Variants in RTKN2 observed in about 807,000 individuals in gnomAD.
RTKN2 encodes the protein rhotekin-2.
Under a neutral mutation model 71.5 loss-of-function variants are expected in RTKN2, and 69 were observed. The observed-to-expected ratio is 0.96, with a 90% CI of 0.79 to 1.18. The LOEUF (loss-of-function observed/expected upper bound fraction) is 1.18, where lower values mean the gene tolerates loss of function less well. Ranked by LOEUF, RTKN2 falls within the 50% of genes most tolerant of loss-of-function variation. RTKN2 has a pLI of 0.00. For missense variants in RTKN2, 724 were observed against 719.7 expected (o/e 1.01, Z -0.07); for synonymous variants, 236 against 236.5 (o/e 1.00, Z 0.02).
In RTKN2 at chr10:62,187,944, G is replaced by T. The variant is rs556110088; in HGVS notation, c.862-3557C>A. Among the ~76,000 whole-genome samples the T allele has an allele frequency of 2.0e-5, 3 of 152,220 alleles. No homozygotes were observed. The South Asian group carries it at 6.2e-4, about 32-fold the overall frequency. ...AGCAAACTTTAGACTGACATTCAAG[G>T]CCATCCATGATCTGACCACATCTGC... On this transcript the variant is annotated intron_variant, in intron 8 of 8. Coordinates refer to the RTKN2 transcript ENST00000315289.
intron 1 of RTKN2, among the ~76,000 whole-genome samples, chr10:62,266,526 G>A (rs1269144012): frequency 7.5e-6 from 1 of 132,500 alleles, no homozygotes; most frequent in African/African-American, 2.8e-5. Context: ...TGTTAACAGC[G>A]GCCATTCTGG....
At chr10:62,265,118 G>A (rs187855040) in intron 1 of RTKN2, among the ~76,000 whole-genome samples, 6 of 152,040 alleles carry the variant, frequency 3.9e-5, no homozygotes, top group Admixed American at 2.0e-4. Flanking sequence ...AAAAATGTAC[G>A]TGTAAAAAGT....
intron 10 of RTKN2, among the ~76,000 whole-genome samples, chr10:62,200,678 ATTAT>A (rs1372155810): frequency 6.6e-6 from 1 of 152,078 alleles, no homozygotes; most frequent in African/African-American, 2.4e-5. Context: ...AGAAATAAAA[ATTAT>A]TTATTTAACA....
chr10:62,248,953 C>T (rs978632824), intron 2 of RTKN2, among the ~76,000 whole-genome samples: 1 of 152,054 alleles, frequency 6.6e-6, no homozygotes, highest in Non-Finnish European at 1.5e-5. Context: ...AATCCTTTAC[C>T]TCTGATACAA....
rs1012966042 is a variant in RTKN2, at chr10:62,187,095, C to T, written c.862-2708G>A. On this transcript the variant is annotated intron_variant, in intron 8 of 8. Transcript: ENST00000315289. ...GTGGAATTATTATCTCCAAATTATT[C>T]CAAAGTTTTACTAAACTTAATTTCT... Among the ~76,000 whole-genome samples, 6 of 152,202 alleles carry T rather than the reference C, an allele frequency of 3.9e-5. No homozygotes were observed. The East Asian group carries it at 1.2e-3, about 29-fold the overall frequency.
chr10:62,198,660 C>G (rs1266196930), intron 11 of RTKN2, among the ~76,000 whole-genome samples: 5 of 151,854 alleles, frequency 3.3e-5, no homozygotes, highest in Non-Finnish European at 7.4e-5. Context: ...ACACATAATA[C>G]ATAGTATATA....
chr10:62,212,344 G>A (rs1250764614), intron 9 of RTKN2, among the ~76,000 whole-genome samples: 4 of 151,424 alleles, frequency 2.6e-5, no homozygotes, highest in Admixed American at 2.6e-4. Flanking sequence ...AATCCAGCCT[G>A]GGCAACAGAG....
At chr10:62,202,243 C>T (rs1841459428) in intron 10 of RTKN2, among the ~76,000 whole-genome samples, 1 of 152,106 alleles carries the variant, frequency 6.6e-6, no homozygotes, top group African/African-American at 2.4e-5. Context: ...GCTATTCTTC[C>T]CTGGGCTAAA....
At chr10:62,186,628 C>T (rs1045228923) in intron 8 of RTKN2, among the ~76,000 whole-genome samples, 6 of 152,192 alleles carry the variant, frequency 3.9e-5, no homozygotes, top group African/African-American at 9.7e-5. Context: ...AGTAGTTCCA[C>T]TTGGCTCTGT....
intron 3 of RTKN2, among the ~76,000 whole-genome samples, chr10:62,243,446 C>T (rs936531714): frequency 6.6e-6 from 1 of 152,100 alleles, no homozygotes; most frequent in African/African-American, 2.4e-5. Flanking sequence ...TTATTCACAG[C>T]TGTTCTTGCT....
intron 9 of RTKN2, among the ~76,000 whole-genome samples, chr10:62,212,121 T>C (rs1474933533): frequency 6.6e-6 from 1 of 150,704 alleles, no homozygotes; most frequent in African/African-American, 2.4e-5. Context: ...AAAATATATA[T>C]ATATGGGGTA....
chr10:62,187,716 A>T (rs1315047116), intron 8 of RTKN2, among the ~76,000 whole-genome samples: 1 of 152,168 alleles, frequency 6.6e-6, no homozygotes, highest in Non-Finnish European at 1.5e-5. Flanking sequence ...TGCCTAAAAA[A>T]CTGGCCTGTG....
intron 3 of RTKN2, among the ~76,000 whole-genome samples, chr10:62,242,718 C>T (rs560876244): frequency 6.6e-6 from 1 of 152,142 alleles, no homozygotes; most frequent in South Asian, 2.1e-4. Flanking sequence ...CCACCCCTGC[C>T]CCCGGGGTTC....
chr10:62,202,460 A>G (rs1183590967), intron 10 of RTKN2, among the ~76,000 whole-genome samples: 1 of 152,226 alleles, frequency 6.6e-6, no homozygotes, highest in Admixed American at 6.5e-5. Flanking sequence ...TCACTAGGAA[A>G]GTTAAAATTT....
rs1195111378 is a variant in RTKN2 at position 62,198,102 on chromosome 10, A to C, written c.1636T>G (p.Ser546Ala). The change falls in exon 12 of 12, where the codon TCA (serine) becomes GCA (alanine). Residue 546 changes from serine to alanine, a missense_variant. Transcript: ENST00000373789. ...SQTSSLDTKL[S>A]TLMHHLQKPM... ...TTCTGTAAGTGATGCATTAGAGTTG[A>C]TAGTTTGGTATCCAAAGACGATGTC... 2 of 1,614,116 alleles carry C rather than the reference A, an allele frequency of 1.2e-6. No homozygotes were observed. Among genetic ancestry groups the C allele is most frequent in the Admixed American group, 3.3e-5 (2 of 60,010 alleles).
chr10:62,213,500 AGCTAAAAG>A (rs1233894993), intron 9 of RTKN2, among the ~76,000 whole-genome samples: 1 of 152,200 alleles, frequency 6.6e-6, no homozygotes, highest in Non-Finnish European at 1.5e-5. Flanking sequence ...TGAAGACCTG[AGCTAAAAG>A]GCCATTTTGG....
At chr10:62,240,400 C>T (rs1456362114) in intron 4 of RTKN2, among the ~76,000 whole-genome samples, 1 of 152,106 alleles carries the variant, frequency 6.6e-6, no homozygotes, top group Non-Finnish European at 1.5e-5. Context: ...TTCAGAAAAA[C>T]TTACTCTCTT....
intron 7 of RTKN2, among the ~76,000 whole-genome samples, chr10:62,222,461 AT>A (rs1841931044): frequency 6.6e-6 from 1 of 152,040 alleles, no homozygotes; most frequent in Admixed American, 6.6e-5. Flanking sequence ...ACTTTTCCCT[AT>A]TTTTAACATA....
intron 1 of RTKN2, 136 bp downstream of exon 1, chr10:62,268,415 C>T: frequency 2.3e-6 from 2 of 859,818 alleles, no homozygotes; most frequent in East Asian, 5.3e-5. Flanking sequence ...TCTCCTAATC[C>T]CTCCCTTTGT....
Sources: gnomAD v4.1 joint callset for allele counts (sites outside exome capture counted in the v4.1 genomes callset) on GRCh38, gnomAD v4.1.1 for gene constraint, MANE v1.5 for transcripts, NCBI Gene and HGNC (gene_info 2026-07-23, HGNC 2026-07-21) for gene names.